The following USP13 variants were observed in gnomAD, a reference collection of about 807,000 sequenced individuals.
USP13 encodes ubiquitin carboxyl-terminal hydrolase 13.
In USP13, 68 loss-of-function variants were observed where a neutral mutation model predicts 107.8. The observed-to-expected ratio is 0.63, with a 90% CI of 0.52 to 0.77. USP13 has a LOEUF of 0.77. Among genes scored for constraint, USP13 ranks in the 30% least tolerant of loss-of-function variants. USP13 has a pLI of 0.00. For synonymous variants in USP13, 377 were observed against 389.5 expected (o/e 0.97, Z 0.38); for missense variants, 945 against 1,093.3 (o/e 0.86, Z 1.91).
At chr3:179,679,830 T>G (rs1468748367) in intron 1 of USP13, among the ~76,000 whole-genome samples, 1 of 132,768 alleles carries the variant, frequency 7.5e-6, no homozygotes, top group Admixed American at 8.7e-5. Flanking sequence ...TTGATACTGT[T>G]AAGTAGAAAT....
chr3:179,753,002 C>G (rs1241810835), intron 14 of USP13, among the ~76,000 whole-genome samples: 1 of 152,136 alleles, frequency 6.6e-6, no homozygotes. Flanking sequence ...GGTTAATTTT[C>G]CAGACGATAC....
intron 10 of USP13, among the ~76,000 whole-genome samples, chr3:179,732,780 A>G (rs1233953095): frequency 6.6e-6 from 1 of 152,182 alleles, no homozygotes; most frequent in Admixed American, 6.5e-5. Context: ...AAGGCACACT[A>G]TCTATGCAGT....
rs1715970375 is a variant in USP13, at chr3:179,788,391, A to G, written c.*4250A>G. ...CATAAATCACTCTAAAAGAGTTTGC[A>G]TAAGACTCGGTAGACCTGTGCTATT... On this transcript the variant is annotated 3_prime_UTR_variant, in exon 21 of 21. Transcript: ENST00000263966. 6.6e-6 allele frequency: 1 copy of G among 152,268 alleles called. No homozygotes were observed. Among genetic ancestry groups the G allele is most frequent in the South Asian group, 2.1e-4 (1 of 4,834 alleles). 9.4% of individuals were successfully genotyped at this position (152,268 alleles called of 1,614,324 possible).
chr3:179,745,513 CCTTT>C (rs1017920875), intron 13 of USP13, among the ~76,000 whole-genome samples: 6 of 148,640 alleles, frequency 4.0e-5, no homozygotes, highest in Non-Finnish European at 7.4e-5. Flanking sequence ...TTCCTTCCTT[CCTTT>C]CTTTCTTCCT....
At chr3:179,726,682 CTTT>C (rs35001051) in intron 8 of USP13, among the ~76,000 whole-genome samples, 5 of 144,256 alleles carry the variant, frequency 3.5e-5, no homozygotes, top group Non-Finnish European at 3.0e-5. Flanking sequence ...CCCTGGTAGG[CTTT>C]TTTTTTTTTT....
chr3:179,661,801 C>A (rs975593521), intron 1 of USP13, among the ~76,000 whole-genome samples: 2 of 152,074 alleles, frequency 1.3e-5, no homozygotes, highest in Non-Finnish European at 2.9e-5. Context: ...CCCTTGGTGG[C>A]AAGATTCTGA....
At chr3:179,783,708 A>C (rs1186352787) in intron 20 of USP13, among the ~76,000 whole-genome samples, 1 of 152,206 alleles carries the variant, frequency 6.6e-6, no homozygotes, top group Non-Finnish European at 1.5e-5. Flanking sequence ...CTTAAGAATC[A>C]AAAAGCAGTT....
Position 179,786,881 on chromosome 3 carries a change from A to T in USP13, c.*2740A>T, listed in dbSNP as rs921113616. ...GAAAGACAGCACTTTCTTCCTGTAA[A>T]TATCTTTTGATATCCATTTATGTAG... is the stretch of plus-strand genomic sequence containing the variant. On this transcript the variant is annotated 3_prime_UTR_variant, in exon 21 of 21. Transcript: ENST00000263966. 1.3e-5 allele frequency: 2 copies of T among 152,222 alleles called. No individual in the cohort carries two copies. The highest frequency in any genetic ancestry group is 2.9e-5 in the Non-Finnish European group (2 of 68,042). 9.4% of individuals were successfully genotyped at this position (152,222 alleles called of 1,614,324 possible).
rs529132272 is a variant in USP13, at chr3:179,705,988, G to T, written c.478-946G>T. Among the ~76,000 whole-genome samples the T allele has an allele frequency of 3.9e-5, 6 of 152,266 alleles. No individual in the cohort carries two copies. In the East Asian group the frequency reaches 1.2e-3, roughly 29 times the overall value. On this transcript the variant is annotated intron_variant, in intron 4 of 20. Transcript: ENST00000263966. The stretch of plus-strand genomic sequence containing the variant: ...TCTGCTGGTCTCGGCCTCCCAAAGT[G>T]CTAGGATTACAGGTGTGAGCCACCA...
intron 12 of USP13, among the ~76,000 whole-genome samples, chr3:179,744,471 C>T (rs1335460370): frequency 6.6e-6 from 1 of 152,052 alleles, no homozygotes; most frequent in Non-Finnish European, 1.5e-5. Flanking sequence ...AAATTGATCC[C>T]CTTACACAAT....
intron 6 of USP13, among the ~76,000 whole-genome samples, chr3:179,711,895 G>T (rs148302613): frequency 6.6e-6 from 1 of 152,132 alleles, no homozygotes; most frequent in African/African-American, 2.4e-5. Context: ...TGTACTGTAC[G>T]TAAAACCATA....
chr3:179,728,234 T>G (rs1713635138), intron 8 of USP13, among the ~76,000 whole-genome samples: 1 of 143,664 alleles, frequency 7.0e-6, no homozygotes. Flanking sequence ...ACGAGGTGGC[T>G]GCCGGGCAGA....
chr3:179,698,540 T>C lies in USP13; in HGVS notation c.356-2468T>C, dbSNP rs534926753. On this transcript the variant is annotated intron_variant, in intron 3 of 20. Coordinates refer to ENST00000263966, the MANE Select transcript of USP13 (RefSeq NM_003940.3). The stretch of plus-strand genomic sequence containing the variant: ...TATTTATGCCAGGTAAGATTTGAAT[T>C]AACTTTAAATGAGCATGTTTTCTGT... 3.9e-5 allele frequency among the ~76,000 whole-genome samples: 6 copies of C among 152,100 alleles called. 1 individual carries two copies. The South Asian group carries it at 1.2e-3, about 32-fold the overall frequency.
At chr3:179,703,682 G>A (rs1319023655) in intron 4 of USP13, among the ~76,000 whole-genome samples, 2 of 152,108 alleles carry the variant, frequency 1.3e-5, no homozygotes, top group South Asian at 2.1e-4. Context: ...TCAATATGAC[G>A]TCACTGAATG....
At chr3:179,683,611 C>G (rs1408076329) in intron 2 of USP13, among the ~76,000 whole-genome samples, 1 of 152,184 alleles carries the variant, frequency 6.6e-6, no homozygotes, top group African/African-American at 2.4e-5. Context: ...TCTCATGAGA[C>G]TCGTTCACTA....
At position 179,742,339 on chromosome 3, in the gene USP13, C is replaced by T; in HGVS notation, c.1523C>T (p.Ala508Val). ...LMQLPVAMEA[A>V]TNKDELIAYE... ...CAGTTACCTGTGGCCATGGAGGCGG[C>T]AACCAACAAGGGTAACAATTCCAAA... is the stretch of plus-strand genomic sequence containing the variant. The change falls in exon 12 of 21, where the codon GCA (alanine) becomes GTA (valine). Residue 508 changes from alanine to valine, a missense_variant. Coordinates refer to ENST00000263966, the MANE Select transcript of USP13 (RefSeq NM_003940.3). This position sits in a 1 kb window ranked among gnomAD's most constrained non-coding sequence, Gnocchi z 5.0. 6.2e-7 allele frequency: 1 copy of T among 1,614,216 alleles called. No homozygotes were observed. Among genetic ancestry groups the T allele is most frequent in the Non-Finnish European group, 8.5e-7 (1 of 1,180,022 alleles).
chr3:179,771,206 C>T (rs1005764859), intron 19 of USP13, among the ~76,000 whole-genome samples: 3 of 152,122 alleles, frequency 2.0e-5, no homozygotes, highest in African/African-American at 4.8e-5. Flanking sequence ...ATGGCTGCAG[C>T]GCCTCCCACA....
At chr3:179,766,451 T>C (rs1715178821) in intron 19 of USP13, among the ~76,000 whole-genome samples, 1 of 152,214 alleles carries the variant, frequency 6.6e-6, no homozygotes, top group Admixed American at 6.5e-5. Flanking sequence ...TGGGAGCTTT[T>C]GTCAAAAAGA....
At chr3:179,676,887 C>T (rs1453786449) in intron 1 of USP13, among the ~76,000 whole-genome samples, 1 of 151,996 alleles carries the variant, frequency 6.6e-6, no homozygotes, top group Non-Finnish European at 1.5e-5. Flanking sequence ...GTTTTTTTTC[C>T]TCGCTCTATT....
Sources: gnomAD v4.1 joint callset for allele counts (sites outside exome capture counted in the v4.1 genomes callset) on GRCh38, gnomAD v4.1.1 for gene constraint, Gnocchi (gnomAD v3.1) non-coding constraint, MANE v1.5 for transcripts, NCBI Gene and HGNC (gene_info 2026-07-23, HGNC 2026-07-21) for gene names.